Variants in VAMP5 observed in about 807,000 individuals in gnomAD.
The protein encoded by VAMP5 is vesicle associated membrane protein 5.
In VAMP5, 10 loss-of-function variants were observed where a neutral mutation model predicts 8.1. The observed-to-expected ratio is 1.23, with a 90% CI of 0.76 to 2.09. VAMP5 has a LOEUF of 2.09. VAMP5 is among the 30% of genes most tolerant of loss of function. The pLI is 0.00. For missense variants in VAMP5, 135 were observed against 152.5 expected (o/e 0.89, Z 0.60); for synonymous variants, 62 against 60.6 (o/e 1.02, Z -0.11).
intron 1 of VAMP5, among the ~76,000 whole-genome samples, chr2:85,586,411 C>T (rs1405090625): frequency 1.3e-5 from 2 of 152,054 alleles, no homozygotes; most frequent in Non-Finnish European, 2.9e-5. Context: ...CCCGTCTCTA[C>T]TAAAAATATA....
In VAMP5 at chr2:85,592,984, CAGA is replaced by C. The variant is rs763022078; in HGVS notation, c.184_186del (p.Lys62del). The C allele has an allele frequency of 1.5e-5, 25 of 1,613,970 alleles. No individual in the cohort carries two copies. The highest frequency in any genetic ancestry group is 1.6e-4 in the Middle Eastern group (1 of 6,062). ...CAACAAGACTACACAGAACCTGGCC[CAGA>C]AGAAGTGCTGGGAGAACATCCGTTA... On this transcript the variant is annotated inframe_deletion, in exon 3 of 3. Coordinates refer to ENST00000306384, the MANE Select transcript of VAMP5 (RefSeq NM_006634.3).
At chr2:85,591,425 C>T (rs1672536081) in intron 1 of VAMP5, among the ~76,000 whole-genome samples, 1 of 152,066 alleles carries the variant, frequency 6.6e-6, no homozygotes, top group Non-Finnish European at 1.5e-5. Context: ...AGGGTGGGGT[C>T]CTGGGAAGAT....
chr2:85,592,920 C>T, intron 2 of VAMP5, 28 bp from the exon 3 acceptor site: 2 of 1,612,340 alleles, frequency 1.2e-6, no homozygotes, highest in Admixed American at 3.3e-5. Context: ...CCAGCTAACT[C>T]CCACTTTGTG....
chr2:85,587,948 G>GGGGAGACAA (rs1260457545), intron 1 of VAMP5, among the ~76,000 whole-genome samples: 1 of 152,112 alleles, frequency 6.6e-6, no homozygotes, highest in East Asian at 1.9e-4. Flanking sequence ...GACAGGAGAT[G>GGGGAGACAA]GGGAGACAAG....
intron 2 of VAMP5, 143 bp downstream of exon 2, chr2:85,592,005 C>A: frequency 7.9e-7 from 1 of 1,269,098 alleles, no homozygotes; most frequent in Non-Finnish European, 1.1e-6. Context: ...CTCAGGCACC[C>A]ATAGCCTAGA....
At chr2:85,592,040 A>G (rs891223493) in intron 2 of VAMP5, among the ~76,000 whole-genome samples, 178 bp downstream of exon 2, 5 of 152,190 alleles carry the variant, frequency 3.3e-5, no homozygotes, top group African/African-American at 1.2e-4. Context: ...ACCCCACAAG[A>G]TAAGAAGGCC....
intron 1 of VAMP5, among the ~76,000 whole-genome samples, chr2:85,585,779 C>T (rs938116983): frequency 6.6e-6 from 1 of 152,204 alleles, no homozygotes; most frequent in African/African-American, 2.4e-5. Flanking sequence ...CTAGCCTCTT[C>T]CTGTTTCTTC....
rs116489021 is a variant in VAMP5 at position 85,585,326 on chromosome 2, G to A, written c.3+833G>A. Among the ~76,000 whole-genome samples, 574 of 152,334 alleles carry A rather than the reference G, an allele frequency of 3.8e-3. 6 individuals are homozygous for A. Among genetic ancestry groups the A allele is most frequent in the African/African-American group, 0.013 (546 of 41,574 alleles). ...GTTTCTCCCTTTCCCTAGGGCTCCT[G>A]GGAAAATGGACTGGGCAGGAAGTAG... On this transcript the variant is annotated intron_variant, in intron 1 of 2. Transcript: ENST00000306384.
intron 1 of VAMP5, among the ~76,000 whole-genome samples, chr2:85,588,185 C>A (rs909741681): frequency 7.9e-5 from 12 of 152,078 alleles, no homozygotes; most frequent in African/African-American, 2.7e-4. Context: ...GAGGCATGAT[C>A]TGCCCACCTT....
chr2:85,591,601 G>T, intron 1 of VAMP5, 124 bp from the exon 2 acceptor site: 1 of 1,430,394 alleles, frequency 7.0e-7, no homozygotes, highest in Non-Finnish European at 9.5e-7. Context: ...ACCCTTACAC[G>T]AAGGATGCTG....
rs781221593 is a variant in VAMP5, at chr2:85,592,986, G to A, written c.180G>A (p.Gln60=). ...TFNKTTQNLA[Q]KKCWENIRYR... The stretch of plus-strand genomic sequence containing the variant: ...ACAAGACTACACAGAACCTGGCCCA[G>A]AAGAAGTGCTGGGAGAACATCCGTT... The change falls in exon 3 of 3, where the codon CAG becomes CAA. Residue 60 remains glutamine (Q), a synonymous_variant. Coordinates refer to ENST00000306384, the MANE Select transcript of VAMP5 (RefSeq NM_006634.3). The A allele has an allele frequency of 1.9e-6, 3 of 1,614,082 alleles. No homozygotes were observed. The highest frequency in any genetic ancestry group is 2.2e-5 in the South Asian group (2 of 91,078).
At chr2:85,585,289 C>G (rs1413087461) in intron 1 of VAMP5, among the ~76,000 whole-genome samples, 2 of 152,240 alleles carry the variant, frequency 1.3e-5, no homozygotes, top group Non-Finnish European at 2.9e-5. Flanking sequence ...ATGTCAGGAA[C>G]AGCTGGTGCC....
In VAMP5 at chr2:85,584,431, A is replaced by C. The variant is rs1458092716; in HGVS notation, c.-60A>C. The C allele has an allele frequency of 1.6e-6, 2 of 1,241,628 alleles. No individual in the cohort carries two copies. The highest frequency in any genetic ancestry group is 1.6e-5 in the African/African-American group (1 of 64,314). The allele number at this position is 1,241,628 out of a possible 1,614,324, so 76.9% of individuals were successfully genotyped here. A position where few individuals can be genotyped will look rare whatever the true frequency, so the allele number is the denominator to read the frequency against. ...CTGCTCTTCCTCCGGGGCCGCTGGC[A>C]CTGCGGCCGCTCCGCAGGCAGAGAA... On this transcript the variant is annotated 5_prime_UTR_variant, in exon 1 of 3. Transcript: ENST00000306384.
At position 85,593,015 on chromosome 2, in the gene VAMP5, G is replaced by C. The variant is rs202148458; in HGVS notation, c.209G>C (p.Arg70Pro). The change falls in exon 3 of 3, where the codon CGG (arginine) becomes CCG (proline). Residue 70 changes from arginine (R) to proline (P), a missense_variant. Transcript: ENST00000306384. ...AAGTGCTGGGAGAACATCCGTTACCGGATCTGCGTGGGGCTGGTGGTGGTT... is the reference window on the plus strand; with the variant it reads ...AAGTGCTGGGAGAACATCCGTTACCCGATCTGCGTGGGGCTGGTGGTGGTT... ...QKKCWENIRYRICVGLVVVGV... is the reference protein window; with the variant it reads ...QKKCWENIRYPICVGLVVVGV... The C allele has an allele frequency of 5.0e-6, 8 of 1,614,144 alleles. No homozygotes were observed. The highest frequency in any genetic ancestry group is 6.8e-6 in the Non-Finnish European group (8 of 1,180,032).
intron 1 of VAMP5, among the ~76,000 whole-genome samples, chr2:85,591,026 C>T (rs553875849): frequency 1.3e-5 from 2 of 152,160 alleles, no homozygotes; most frequent in Non-Finnish European, 2.9e-5. Flanking sequence ...TAAGTTGGAC[C>T]CCAGTGAGGA....
intron 1 of VAMP5, among the ~76,000 whole-genome samples, chr2:85,586,303 G>T (rs1030380529): frequency 1.3e-5 from 2 of 152,180 alleles, no homozygotes; most frequent in African/African-American, 4.8e-5. Context: ...AAGGCCAGGC[G>T]CAGTGGCTCA....
chr2:85,585,978 A>G (rs1672454252), intron 1 of VAMP5, among the ~76,000 whole-genome samples: 1 of 152,258 alleles, frequency 6.6e-6, no homozygotes, highest in African/African-American at 2.4e-5. Context: ...AGTGATGGGA[A>G]AGATGGAAAT....
Position 85,593,328 on chromosome 2 carries a change from C to T in VAMP5, c.*171C>T. 1 of 726,998 alleles carries T rather than the reference C, an allele frequency of 1.4e-6. No homozygotes were observed. Among genetic ancestry groups the T allele is most frequent in the Non-Finnish European group, 2.3e-6 (1 of 434,614 alleles). 45.0% of individuals were successfully genotyped at this position (726,998 alleles called of 1,614,324 possible). A position where few individuals can be genotyped will look rare whatever the true frequency, so the allele number is the denominator to read the frequency against. On this transcript the variant is annotated 3_prime_UTR_variant, in exon 3 of 3. Transcript: ENST00000306384. ...CCACAGACTGGCCCTTGAGGGCAGC[C>T]TGCTGTACTGGCCATGCTGGGCCAG... is the stretch of plus-strand genomic sequence containing the variant.
intron 1 of VAMP5, among the ~76,000 whole-genome samples, chr2:85,585,824 C>A (rs1672452835): frequency 6.6e-6 from 1 of 152,184 alleles, no homozygotes; most frequent in Non-Finnish European, 1.5e-5. Context: ...TTCCTTCCTT[C>A]CACCCATCCC....
Sources: gnomAD v4.1 joint callset for allele counts (sites outside exome capture counted in the v4.1 genomes callset) on GRCh38, gnomAD v4.1.1 for gene constraint, MANE v1.5 for transcripts, NCBI Gene and HGNC (gene_info 2026-07-23, HGNC 2026-07-21) for gene names.